TBC1D1: variants seen among roughly 807,000 people sequenced by gnomAD.
The protein encoded by TBC1D1 is TBC1 domain family member 1.
In TBC1D1, 89 loss-of-function variants were observed where a neutral mutation model predicts 125.6. The ratio of observed to expected loss-of-function variants is 0.71; its 90% CI spans 0.60 to 0.85. The LOEUF (loss-of-function observed/expected upper bound fraction) is 0.85. Ranked by LOEUF, TBC1D1 falls within the 40% of genes least tolerant of loss-of-function variation. TBC1D1 has a pLI of 0.00. For synonymous variants in TBC1D1, 565 were observed against 564.1 expected (o/e 1.00, Z -0.02); for missense variants, 1,377 against 1,469.2 (o/e 0.94, Z 1.03).
chr4:38,127,915 G>A (rs114388750), intron 18 of TBC1D1, among the ~76,000 whole-genome samples: 2,513 of 152,196 alleles, frequency 0.017, 67 homozygotes, highest in African/African-American at 0.057. Context: ...TAGGCTTCAC[G>A]GGTCATAACG....
chr4:37,982,078 T>C (rs1008409182), intron 2 of TBC1D1, among the ~76,000 whole-genome samples: 8 of 152,220 alleles, frequency 5.3e-5, no homozygotes, highest in African/African-American at 1.9e-4. Flanking sequence ...ATCATCTCTT[T>C]CTTCTAAGCA....
chr4:38,051,893 G>A lies in TBC1D1; in HGVS notation c.1910+1995G>A. 1 of 1,550,044 alleles carries A rather than the reference G, an allele frequency of 6.5e-7. No homozygotes were observed. Among genetic ancestry groups the A allele is most frequent in the South Asian group, 1.2e-5 (1 of 84,016 alleles). On this transcript the variant is annotated intron_variant, in intron 11 of 19. Coordinates refer to ENST00000261439, the MANE Select transcript of TBC1D1 (RefSeq NM_015173.4). ...CCCCCCCGTGCTTTCTCTGATTGCTGTTTAGTGTGGATCCTTCACCTGTGG... is the reference window on the plus strand; with the variant it reads ...CCCCCCCGTGCTTTCTCTGATTGCTATTTAGTGTGGATCCTTCACCTGTGG...
At chr4:38,083,752 G>T (rs1756984646) in intron 12 of TBC1D1, among the ~76,000 whole-genome samples, 1 of 152,154 alleles carries the variant, frequency 6.6e-6, no homozygotes, top group Admixed American at 6.5e-5. Context: ...CCATGCTCTT[G>T]ACCTTATAAA....
chr4:38,121,729 AT>A (rs2152600417), intron 17 of TBC1D1, among the ~76,000 whole-genome samples: 1 of 152,328 alleles, frequency 6.6e-6, no homozygotes, highest in African/African-American at 2.4e-5. Context: ...GTTTTAAAAA[AT>A]TCCAGAATGT....
chr4:37,891,819 G>C (rs566515870), intron 1 of TBC1D1, among the ~76,000 whole-genome samples: 64 of 151,978 alleles, frequency 4.2e-4, no homozygotes, highest in Non-Finnish European at 1.5e-5. Context: ...GGTACATCCT[G>C]TACCAGTCAT....
chr4:38,037,144 TTC>T (rs1410674415), intron 8 of TBC1D1, among the ~76,000 whole-genome samples: 1 of 152,122 alleles, frequency 6.6e-6, no homozygotes, highest in Non-Finnish European at 1.5e-5. Context: ...ATGGAAAGTC[TTC>T]TTTTACTAAA....
Position 37,902,244 on chromosome 4 carries a change from T to G in TBC1D1, c.149T>G (p.Leu50Arg), listed in dbSNP as rs776196008. ...TGGGTTGTGGCTGAGGTGCGAAGAC[T>G]CAGCAGGCAGTCCACCAGAAAGGAA... is the stretch of plus-strand genomic sequence containing the variant. The change falls in exon 2 of 20, where the codon CTC (leucine) becomes CGC (arginine). Residue 50 changes from leucine to arginine, a missense_variant. Physicochemically the swap from Leu to Arg is moderately radical, Grantham distance 102. Around this residue, in one of 3 missense-constraint regions of TBC1D1, gnomAD observed 822 missense variants for 824.6 expected, o/e 1.00. Coordinates refer to ENST00000261439, the MANE Select transcript of TBC1D1 (RefSeq NM_015173.4). The G allele has an allele frequency of 6.8e-6, 11 of 1,613,838 alleles. No homozygotes were observed. The highest frequency in any genetic ancestry group is 1.3e-5 in the African/African-American group (1 of 74,822).
intron 12 of TBC1D1, among the ~76,000 whole-genome samples, chr4:38,058,406 CTG>C (rs1752140188): frequency 6.6e-6 from 1 of 152,240 alleles, no homozygotes; most frequent in Non-Finnish European, 1.5e-5. Context: ...TTTGTGCAAA[CTG>C]TCTCCAGCCA....
chr4:38,096,060 A>C lies in TBC1D1; in HGVS notation c.2368A>C (p.Met790Leu). ...AGGAAGATCAAAAATTAAGTTTGAC[A>C]TGGAAAAAATGCACTCGGCTGTTGG... is the stretch of plus-strand genomic sequence containing the variant. Residue 790 changes from methionine to leucine, a missense_variant, in exon 14 of 20, where the codon ATG becomes CTG. Physicochemically the swap from Met to Leu is conservative, Grantham distance 15. Around this residue, in one of 3 missense-constraint regions of TBC1D1, gnomAD observed 543 missense variants for 613.5 expected, o/e 0.89. Coordinates refer to ENST00000261439, the MANE Select transcript of TBC1D1 (RefSeq NM_015173.4). The C allele has an allele frequency of 6.2e-7, 1 of 1,613,770 alleles. No individual in the cohort carries two copies. The highest frequency in any genetic ancestry group is 8.5e-7 in the Non-Finnish European group (1 of 1,179,754).
intron 3 of TBC1D1, among the ~76,000 whole-genome samples, chr4:38,016,242 C>A (rs187332711): frequency 3.3e-5 from 5 of 152,292 alleles, no homozygotes; most frequent in African/African-American, 1.2e-4. Context: ...TCAGGAAAGG[C>A]TTCTTTGAGA....
chr4:38,111,856 A>C (rs1028338904), intron 15 of TBC1D1: 2 of 814,984 alleles, frequency 2.5e-6, no homozygotes, highest in African/African-American at 3.7e-5. Context: ...AGATGGGTGC[A>C]GTTGTCCTGC....
At chr4:37,963,556 C>T (rs1302242877) in intron 2 of TBC1D1, among the ~76,000 whole-genome samples, 1 of 152,298 alleles carries the variant, frequency 6.6e-6, no homozygotes, top group East Asian at 1.9e-4. Context: ...ACTGAGGAGG[C>T]TGAGGCACAA....
At chr4:37,958,964 G>T (rs1477267219) in intron 2 of TBC1D1, among the ~76,000 whole-genome samples, 1 of 152,080 alleles carries the variant, frequency 6.6e-6, no homozygotes, top group Non-Finnish European at 1.5e-5. Context: ...ACTGACTCTG[G>T]GTGGCACTTG....
chr4:37,908,537 A>T lies in TBC1D1; in HGVS notation c.417+6025A>T, dbSNP rs578121107. ...AAATGTTTTTTAACTGGCATTTCTT[A>T]TCGCACTCGAAATATGTCATGGCTC... On this transcript the variant is annotated intron_variant, in intron 2 of 19. Transcript: ENST00000261439. 3.3e-5 allele frequency among the ~76,000 whole-genome samples: 5 copies of T among 152,216 alleles called. No homozygotes were observed. The South Asian group carries it at 1.0e-3, about 32-fold the overall frequency.
chr4:37,930,124 T>C, intron 2 of TBC1D1, among the ~76,000 whole-genome samples: 1 of 152,144 alleles, frequency 6.6e-6, no homozygotes. Context: ...AACAGTAGAA[T>C]AGTAGAATGG....
At chr4:38,065,126 C>T (rs1035478005) in intron 12 of TBC1D1, among the ~76,000 whole-genome samples, 17 of 152,144 alleles carry the variant, frequency 1.1e-4, no homozygotes, top group East Asian at 3.9e-4. Flanking sequence ...TTAATAGAGA[C>T]GGAGTTTTTC....
chr4:38,075,957 C>T (rs747218326), intron 12 of TBC1D1, among the ~76,000 whole-genome samples: 2 of 152,166 alleles, frequency 1.3e-5, no homozygotes, highest in Non-Finnish European at 2.9e-5. Flanking sequence ...CAGCTCTTCT[C>T]TGTAAATTAC....
intron 12 of TBC1D1, among the ~76,000 whole-genome samples, chr4:38,058,259 G>A (rs1397595221): frequency 1.3e-5 from 2 of 152,150 alleles, no homozygotes; most frequent in East Asian, 1.9e-4. Flanking sequence ...TAGGATGCAC[G>A]ATGCCAGAGC....
chr4:38,083,664 G>T (rs1756961566), intron 12 of TBC1D1, among the ~76,000 whole-genome samples: 1 of 152,216 alleles, frequency 6.6e-6, no homozygotes, highest in Non-Finnish European at 1.5e-5. Flanking sequence ...GGTGGCAAGT[G>T]ATCAGATAAC....
Sources: gnomAD v4.1 joint callset for allele counts (sites outside exome capture counted in the v4.1 genomes callset) on GRCh38, gnomAD v4.1.1 for gene constraint, gnomAD v4.1.1 regional missense constraint, MANE v1.5 for transcripts, NCBI Gene and HGNC (gene_info 2026-07-23, HGNC 2026-07-21) for gene names.